Variants in ADGRV1 observed in about 807,000 individuals in gnomAD.
ADGRV1 encodes the protein G-protein coupled receptor 98.
A neutral mutation model predicts 596.2 loss-of-function variants in ADGRV1; 359 were observed. The ratio of observed to expected loss-of-function variants is 0.60; its 90% CI spans 0.55 to 0.66. The LOEUF (loss-of-function observed/expected upper bound fraction) is 0.66, where lower values mean the gene tolerates loss of function less well. Among genes scored for constraint, ADGRV1 ranks in the 30% least tolerant of loss-of-function variants. The probability of loss-of-function intolerance (pLI) is 0.00; values close to 1 mark genes in which losing one functional copy is unlikely to be tolerated. For missense variants in ADGRV1, 7,274 were observed against 7,575.6 expected, an observed-to-expected ratio of 0.96 and a Z score of 1.48; for synonymous variants, 2,681 against 2,679.2, an observed-to-expected ratio of 1.00 and a Z score of -0.02.
intron 83 of ADGRV1, among the ~76,000 whole-genome samples, chr5:90,960,625 G>A (rs1402560822): frequency 6.6e-6 from 1 of 152,108 alleles, no homozygotes; most frequent in Non-Finnish European, 1.5e-5. Context: ...GAATAACCAG[G>A]TATTAAAAAG....
intron 85 of ADGRV1, among the ~76,000 whole-genome samples, chr5:91,067,279 G>A (rs943997149): frequency 8.2e-4 from 125 of 152,112 alleles, no homozygotes; most frequent in Non-Finnish European, 1.3e-3. Flanking sequence ...GAGTAGCTGG[G>A]ATTAAAAGCA....
intron 1 of ADGRV1, among the ~76,000 whole-genome samples, chr5:90,601,756 T>C (rs981838304): frequency 1.3e-5 from 2 of 152,174 alleles, no homozygotes; most frequent in Non-Finnish European, 2.9e-5. Flanking sequence ...AGTGTGAAGA[T>C]TGGAATTATC....
intron 18 of ADGRV1, 106 bp downstream of exon 18, chr5:90,651,836 G>A: frequency 2.8e-6 from 2 of 712,518 alleles, no homozygotes; most frequent in Non-Finnish European, 4.4e-6. Context: ...GTTAAGAATT[G>A]AGTAATTTCA....
At chr5:90,894,443 C>G (rs1771109824) in intron 83 of ADGRV1, among the ~76,000 whole-genome samples, 1 of 152,162 alleles carries the variant, frequency 6.6e-6, no homozygotes, top group Admixed American at 6.6e-5. Context: ...GGTGAAATAG[C>G]TTGCCTTTGC....
At chr5:91,154,060 G>A (rs1286820269) in intron 89 of ADGRV1, among the ~76,000 whole-genome samples, 1 of 152,190 alleles carries the variant, frequency 6.6e-6, no homozygotes, top group Non-Finnish European at 1.5e-5. Flanking sequence ...GTGTCTAAAT[G>A]ATATCTGCAT....
intron 1 of ADGRV1, among the ~76,000 whole-genome samples, chr5:90,587,006 C>T (rs1161001361): frequency 6.6e-6 from 1 of 152,088 alleles, no homozygotes; most frequent in East Asian, 1.9e-4. Context: ...TAATTCTTTC[C>T]CTTTAAATAT....
intron 87 of ADGRV1, among the ~76,000 whole-genome samples, chr5:91,142,205 A>G (rs958663092): frequency 3.3e-5 from 5 of 152,202 alleles, no homozygotes; most frequent in African/African-American, 1.2e-4. Flanking sequence ...TGATGAAATT[A>G]AAAGCTATAA....
intron 59 of ADGRV1, among the ~76,000 whole-genome samples, chr5:90,773,441 A>G (rs1757902152): frequency 6.6e-6 from 1 of 152,156 alleles, no homozygotes; most frequent in Admixed American, 6.5e-5. Context: ...AAAAAATAAG[A>G]AAAAATAAAA....
chr5:90,564,583 C>T (rs915856339), intron 1 of ADGRV1, among the ~76,000 whole-genome samples: 3 of 151,718 alleles, frequency 2.0e-5, no homozygotes, highest in Non-Finnish European at 4.4e-5. Flanking sequence ...AAACAATCAC[C>T]TTTCAAAGTA....
At chr5:90,847,221 T>C (rs547979966) in intron 78 of ADGRV1, among the ~76,000 whole-genome samples, 1 of 152,026 alleles carries the variant, frequency 6.6e-6, no homozygotes, top group South Asian at 2.1e-4. Context: ...AGAGTGCTGA[T>C]TGGTGTATTT....
At chr5:90,850,760 A>G (rs367604826) in intron 79 of ADGRV1, 17 of 152,248 alleles carry the variant, frequency 1.1e-4, no homozygotes, top group African/African-American at 4.1e-4. Context: ...TGAGTCCCAT[A>G]TCTATGCCTT....
Position 90,811,295 on chromosome 5 carries a change from G to A in ADGRV1, c.16035G>A (p.Lys5345=). ...GGGGAGCACAGATTGTGGAGGAGAAGGATGATACTGGATTTGCAGCTTTTG... is the reference window on the plus strand; with the variant it reads ...GGGGAGCACAGATTGTGGAGGAGAAAGATGATACTGGATTTGCAGCTTTTG... ...PQGGAQIVEE[K]DDTGFAAFAM... is the part of the protein sequence containing the mutation. The change falls in exon 74 of 90, where the codon AAG becomes AAA. Residue 5345 remains lysine (K), a synonymous_variant. Transcript: ENST00000405460. 6.2e-7 allele frequency: 1 copy of A among 1,610,052 alleles called. No homozygotes were observed. Among genetic ancestry groups the A allele is most frequent in the South Asian group, 1.1e-5 (1 of 89,978 alleles).
chr5:91,046,458 A>T (rs1375654970), intron 85 of ADGRV1, among the ~76,000 whole-genome samples: 3 of 152,334 alleles, frequency 2.0e-5, no homozygotes, highest in Non-Finnish European at 4.4e-5. Context: ...TTGGCAAGTC[A>T]CATGTAGGAG....
At chr5:90,644,389 C>T (rs1017898970) in intron 14 of ADGRV1, among the ~76,000 whole-genome samples, 2 of 152,190 alleles carry the variant, frequency 1.3e-5, no homozygotes, top group Non-Finnish European at 2.9e-5. Flanking sequence ...CCTGTAACTG[C>T]TTTTAGCAGA....
intron 6 of ADGRV1, 128 bp from the exon 7 acceptor site, chr5:90,627,083 T>C: frequency 1.9e-6 from 1 of 529,556 alleles, no homozygotes. Flanking sequence ...CCTTTCTATT[T>C]GCTCCCTCAG....
At chr5:90,813,990 T>A (rs1762683512) in intron 74 of ADGRV1, among the ~76,000 whole-genome samples, 1 of 152,222 alleles carries the variant, frequency 6.6e-6, no homozygotes, top group South Asian at 2.1e-4. Flanking sequence ...TTCATTAGAA[T>A]CATGCTAGTT....
intron 82 of ADGRV1, among the ~76,000 whole-genome samples, chr5:90,859,082 G>A (rs771186826): frequency 2.0e-5 from 3 of 152,298 alleles, no homozygotes; most frequent in South Asian, 2.1e-4. Flanking sequence ...TTATCTTTCC[G>A]AACATTGCCC....
intron 11 of ADGRV1, among the ~76,000 whole-genome samples, chr5:90,639,285 C>T (rs1176744917): frequency 6.6e-6 from 1 of 151,948 alleles, no homozygotes; most frequent in Non-Finnish European, 1.5e-5. Flanking sequence ...AGTGGACAAT[C>T]TTGAAAACAA....
intron 52 of ADGRV1, among the ~76,000 whole-genome samples, chr5:90,747,381 A>G (rs2460188): frequency 0.52 from 78,492 of 151,822 alleles, 20,976 homozygotes; most frequent in African/African-American, 0.64. Context: ...GTCACTAAGA[A>G]GACTCGCAGG....
Sources: allele counts gnomAD v4.1 joint callset (sites outside exome capture counted in the v4.1 genomes callset), GRCh38; gene constraint gnomAD v4.1.1; transcripts MANE v1.5; gene names NCBI Gene and HGNC (gene_info 2026-07-23, HGNC 2026-07-21).